HTRA1: variants seen among roughly 807,000 people sequenced by gnomAD.
The protein encoded by HTRA1 is serine protease HTRA1.
Under a neutral mutation model 49.7 loss-of-function variants are expected in HTRA1, and 26 were observed. The observed-to-expected ratio is 0.52, with a 90% CI of 0.38 to 0.73. The LOEUF (loss-of-function observed/expected upper bound fraction) is 0.73. Ranked by LOEUF, HTRA1 falls within the 30% of genes least tolerant of loss-of-function variation. The pLI is 0.00. For missense variants in HTRA1, 561 were observed against 667.2 expected, an observed-to-expected ratio of 0.84 and a Z score of 1.75; for synonymous variants, 291 against 286.9, an observed-to-expected ratio of 1.01 and a Z score of -0.14.
chr10:122,485,645 C>G (rs2097492778), intron 1 of HTRA1, among the ~76,000 whole-genome samples: 1 of 152,154 alleles, frequency 6.6e-6, no homozygotes, highest in Admixed American at 6.5e-5. Flanking sequence ...GTGGGAAGAC[C>G]CTGGAACCAC....
chr10:122,498,961 A>G (rs1423020439), intron 3 of HTRA1, among the ~76,000 whole-genome samples: 1 of 151,396 alleles, frequency 6.6e-6, no homozygotes, highest in Non-Finnish European at 1.5e-5. Context: ...GGTCATTGCT[A>G]CCCTCTATCC....
chr10:122,496,224 GGTTCTTTTTTTTTT>G (rs1358666023), intron 3 of HTRA1, among the ~76,000 whole-genome samples: 18 of 32,106 alleles, frequency 5.6e-4, no homozygotes, highest in South Asian at 7.6e-4. Context: ...AGAGATTGTG[GGTTCTTTTTTTTTT>G]TTTTTTTTTT....
intron 1 of HTRA1, among the ~76,000 whole-genome samples, chr10:122,476,889 G>A (rs1175516655): frequency 6.6e-6 from 1 of 151,638 alleles, no homozygotes; most frequent in African/African-American, 2.4e-5. Flanking sequence ...TTCCCGGTGT[G>A]TCTTCTCCTC....
chr10:122,466,213 T>C, intron 1 of HTRA1, among the ~76,000 whole-genome samples: 1 of 152,196 alleles, frequency 6.6e-6, no homozygotes, highest in Non-Finnish European at 1.5e-5. Context: ...TCGCCTACGC[T>C]GGAGTGCAGT....
Position 122,508,767 on chromosome 10 carries a change from A to C in HTRA1, c.1117A>C (p.Lys373Gln). Residue 373 changes from lysine to glutamine, a missense_variant, in exon 6 of 9, where the codon AAA (lysine) becomes CAA (glutamine). Lys to Gln is a moderately conservative substitution (Grantham distance 53, BLOSUM62 1). Coordinates refer to ENST00000368984, the MANE Select transcript of HTRA1 (RefSeq NM_002775.5). ...FLTESHDRQA[K>Q]GKAITKKKYI... ...CACGGAGTCCCATGACCGACAGGCC[A>C]AAGGTAGGCAAGGCCCACACAGCCC... is the stretch of plus-strand genomic sequence containing the variant. 1 of 1,592,250 alleles carries C rather than the reference A, an allele frequency of 6.3e-7. No homozygotes were observed. The highest frequency in any genetic ancestry group is 8.6e-7 in the Non-Finnish European group (1 of 1,160,110).
chr10:122,477,134 A>C (rs1467995170), intron 1 of HTRA1, among the ~76,000 whole-genome samples: 2 of 151,262 alleles, frequency 1.3e-5, no homozygotes, highest in Non-Finnish European at 2.9e-5. Context: ...TGCCTGGCTA[A>C]TTTTTTGTAT....
At chr10:122,469,460 C>A (rs2097485172) in intron 1 of HTRA1, among the ~76,000 whole-genome samples, 1 of 152,200 alleles carries the variant, frequency 6.6e-6, no homozygotes, top group Non-Finnish European at 1.5e-5. Flanking sequence ...GGAGGGAAGC[C>A]TCAATGTTCA....
intron 3 of HTRA1, 142 bp downstream of exon 3, chr10:122,489,768 G>C (rs2097494916): frequency 1.3e-6 from 1 of 797,946 alleles, no homozygotes; most frequent in Admixed American, 2.0e-5. Context: ...GCCTTGAGGA[G>C]ATGCTGAGTA....
intron 2 of HTRA1, 50 bp from the exon 3 acceptor site, chr10:122,489,372 G>T: frequency 2.0e-6 from 3 of 1,523,822 alleles, no homozygotes; most frequent in Non-Finnish European, 2.7e-6. Context: ...GCGTTGAAGC[G>T]TTCATTTTAA....
At chr10:122,503,420 T>A (rs1019122445) in intron 3 of HTRA1, among the ~76,000 whole-genome samples, 10 of 152,250 alleles carry the variant, frequency 6.6e-5, no homozygotes, top group Non-Finnish European at 1.5e-4. Context: ...CCGATGCTCC[T>A]GCAGCCAGTG....
At chr10:122,497,901 C>T (rs371098825) in intron 3 of HTRA1, among the ~76,000 whole-genome samples, 15 of 152,290 alleles carry the variant, frequency 9.8e-5, no homozygotes, top group Non-Finnish European at 1.8e-4. Context: ...ATGGAGGAGA[C>T]GCAAGTTAGA....
intron 1 of HTRA1, among the ~76,000 whole-genome samples, chr10:122,462,383 C>T (rs988297556): frequency 6.6e-6 from 1 of 152,240 alleles, no homozygotes; most frequent in African/African-American, 2.4e-5. Flanking sequence ...CTCGAGACGC[C>T]GGGCGACCGG....
rs189380173 is a variant in HTRA1 at position 122,512,078 on chromosome 10, C to A, written c.1274+13C>A. 6 of 1,567,216 alleles carry A rather than the reference C, an allele frequency of 3.8e-6. No individual in the cohort carries two copies. Among genetic ancestry groups the A allele is most frequent in the Non-Finnish European group, 5.3e-6 (6 of 1,137,444 alleles). On this transcript the variant is annotated intron_variant, in intron 8 of 8. Coordinates refer to ENST00000368984, the MANE Select transcript of HTRA1 (RefSeq NM_002775.5). Reference sequence around the variant, plus strand: ...CCCCAGCAGAAGCGTGAGTTGGAGTCGTTTTCTCTTTTCCCAATATTCTTG... The same window carrying A: ...CCCCAGCAGAAGCGTGAGTTGGAGTAGTTTTCTCTTTTCCCAATATTCTTG...
At chr10:122,486,259 C>T (rs2097493054) in intron 1 of HTRA1, among the ~76,000 whole-genome samples, 1 of 152,074 alleles carries the variant, frequency 6.6e-6, no homozygotes, top group African/African-American at 2.4e-5. Flanking sequence ...GGAAGGATAC[C>T]TGATTTTCCT....
At chr10:122,489,123 G>T in intron 2 of HTRA1, 122 bp downstream of exon 2, 1 of 772,380 alleles carries the variant, frequency 1.3e-6, no homozygotes, top group Non-Finnish European at 2.3e-6. Flanking sequence ...TCCTACTTAA[G>T]ATAAGTGTGT....
chr10:122,484,994 C>G (rs529785187), intron 1 of HTRA1, among the ~76,000 whole-genome samples: 83 of 152,360 alleles, frequency 5.4e-4, no homozygotes, highest in African/African-American at 1.9e-3. Flanking sequence ...GTTGAGATCA[C>G]AGCAGATGGG....
intron 1 of HTRA1, among the ~76,000 whole-genome samples, chr10:122,481,860 C>G (rs941765203): frequency 6.6e-5 from 10 of 152,194 alleles, no homozygotes; most frequent in African/African-American, 2.4e-4. Flanking sequence ...TCTCTGACTG[C>G]TGCCATCCAT....
intron 1 of HTRA1, among the ~76,000 whole-genome samples, chr10:122,469,323 A>G (rs1591024947): frequency 6.6e-6 from 1 of 152,202 alleles, no homozygotes; most frequent in South Asian, 2.1e-4. Flanking sequence ...GTCATCTCAT[A>G]TCCTGTGACT....
rs1565427091 is a variant in HTRA1, at chr10:122,496,224, G to GTTTTTTT, written c.777+6598_777+6599insTTTTTTT. ...GCCCTTTCGTTTGCCAGAGATTGTG[G>GTTTTTTT]GTTCTTTTTTTTTTTTTTTTTTTTT... is the stretch of plus-strand genomic sequence containing the variant. On this transcript the variant is annotated intron_variant, in intron 3 of 8. Coordinates refer to ENST00000368984, the MANE Select transcript of HTRA1 (RefSeq NM_002775.5). Among the ~76,000 whole-genome samples the GTTTTTTT allele has an allele frequency of 6.8e-3, 219 of 32,082 alleles. 11 individuals carry two copies. Among genetic ancestry groups the GTTTTTTT allele is most frequent in the East Asian group, 0.027 (45 of 1,640 alleles). The allele number at this position is 32,082 out of a possible 152,430, so 21.0% of individuals were successfully genotyped here.
Sources: gnomAD v4.1 joint callset for allele counts (sites outside exome capture counted in the v4.1 genomes callset) on GRCh38, gnomAD v4.1.1 for gene constraint, MANE v1.5 for transcripts, NCBI Gene and HGNC (gene_info 2026-07-23, HGNC 2026-07-21) for gene names.